Variants in TINAG observed in about 807,000 individuals in gnomAD.
The protein encoded by TINAG is tubulointerstitial nephritis antigen.
In TINAG, 83 loss-of-function variants were observed where a neutral mutation model predicts 72.7. That is an observed-to-expected ratio of 1.14 (90% CI 0.96 to 1.37). The LOEUF (loss-of-function observed/expected upper bound fraction) is 1.37, where lower values mean the gene tolerates loss of function less well. Among genes scored for constraint, TINAG ranks in the 40% most tolerant of loss-of-function variants. The probability of loss-of-function intolerance (pLI) is 0.00; values close to 1 mark genes in which losing one functional copy is unlikely to be tolerated. For synonymous variants in TINAG, 234 were observed against 189.9 expected, an observed-to-expected ratio of 1.23 and a Z score of -1.91; for missense variants, 685 against 576.6, an observed-to-expected ratio of 1.19 and a Z score of -1.93.
intron 3 of TINAG, among the ~76,000 whole-genome samples, chr6:54,322,597 T>C (rs1041439319): frequency 6.6e-6 from 1 of 152,212 alleles, no homozygotes; most frequent in African/African-American, 2.4e-5. Context: ...CTTCCACATA[T>C]AACATGTTGT....
intron 10 of TINAG, among the ~76,000 whole-genome samples, chr6:54,382,435 A>G (rs1763979879): frequency 6.6e-6 from 1 of 152,120 alleles, no homozygotes; most frequent in Non-Finnish European, 1.5e-5. Flanking sequence ...TAGTCTATGC[A>G]TTCAGGAAAA....
intron 4 of TINAG, among the ~76,000 whole-genome samples, chr6:54,334,816 T>A (rs1784822217): frequency 6.6e-6 from 1 of 152,182 alleles, no homozygotes; most frequent in Non-Finnish European, 1.5e-5. Flanking sequence ...GTAAAAAGAC[T>A]TTTAATCTCT....
In TINAG at chr6:54,352,291, G is replaced by A. The variant is rs145096876; in HGVS notation, c.1126+894G>A. 3.3e-3 allele frequency among the ~76,000 whole-genome samples: 495 copies of A among 151,794 alleles called. 1 individual carries two copies. The highest frequency in any genetic ancestry group is 9.4e-3 in the African/African-American group (389 of 41,474). On this transcript the variant is annotated intron_variant, in intron 8 of 10. Coordinates refer to ENST00000259782, the MANE Select transcript of TINAG (RefSeq NM_014464.4). ...TCTGAATACTGATCTAATTAGTATC[G>A]GTTAAATATATATAGGCAGGAATCA... is the stretch of plus-strand genomic sequence containing the variant.
In TINAG at chr6:54,320,578, G is replaced by A. The variant is rs750630178; in HGVS notation, c.356-1G>A. 2 of 1,593,340 alleles carry A rather than the reference G, an allele frequency of 1.3e-6. No homozygotes were observed. ...CATTTCTTTACATGTTACTTTGACA[G>A]GTTGCTTCAAAGATGGTCAACATTA... is the stretch of plus-strand genomic sequence containing the variant. On this transcript the variant is annotated splice_acceptor_variant, in intron 1 of 10. Transcript: ENST00000259782. LOFTEE classifies it high-confidence loss of function.
At chr6:54,385,445 G>C (rs1197889252) in intron 10 of TINAG, among the ~76,000 whole-genome samples, 1 of 150,970 alleles carries the variant, frequency 6.6e-6, no homozygotes, top group Non-Finnish European at 1.5e-5. Context: ...AACCTACACA[G>C]GATGAAAATA....
rs566598374 is a variant in TINAG, at chr6:54,341,898, T to A, written c.625-1328T>A. Among the ~76,000 whole-genome samples, 3 of 152,322 alleles carry A rather than the reference T, an allele frequency of 2.0e-5. No homozygotes were observed. In the South Asian group the frequency reaches 6.2e-4, roughly 32 times the overall value. ...TCTTGTTTAGCTGAGGGACTCAACA[T>A]GTCTTTTAACTGCTAAAAGTTAGTT... On this transcript the variant is annotated intron_variant, in intron 4 of 10. Coordinates refer to ENST00000259782, the MANE Select transcript of TINAG (RefSeq NM_014464.4).
chr6:54,387,936 C>T (rs764953476), intron 10 of TINAG, among the ~76,000 whole-genome samples: 3 of 152,078 alleles, frequency 2.0e-5, no homozygotes, highest in Non-Finnish European at 2.9e-5. Flanking sequence ...GTGTCTTACT[C>T]TTTATAATTA....
intron 8 of TINAG, among the ~76,000 whole-genome samples, chr6:54,352,392 TACATAA>T (rs1217047507): frequency 1.3e-5 from 2 of 151,872 alleles, no homozygotes; most frequent in Non-Finnish European, 2.9e-5. Context: ...AACCACAGCC[TACATAA>T]ACATGTCCTG....
chr6:54,390,091 T>G lies in TINAG; in HGVS notation c.*166T>G. ...CTGGTCTATGCTTCTGCTTCCTTCA[T>G]ATTACTGAGCATTAACAACACCAAT... is the stretch of plus-strand genomic sequence containing the variant. On this transcript the variant is annotated 3_prime_UTR_variant, in exon 11 of 11. Transcript: ENST00000259782. The G allele has an allele frequency of 1.1e-6, 1 of 894,730 alleles. No individual in the cohort carries two copies. 55.4% of individuals were successfully genotyped at this position (894,730 alleles called of 1,614,324 possible).
rs756247934 is a variant in TINAG at position 54,321,376 on chromosome 6, G to A, written c.499G>A (p.Gly167Arg). The change falls in exon 3 of 11, where the codon GGA (glycine) becomes AGA (arginine). Residue 167 changes from glycine (G) to arginine (R), a missense_variant. Coordinates refer to ENST00000259782, the MANE Select transcript of TINAG (RefSeq NM_014464.4). The part of the protein sequence containing the change: ...RSELIEQVNK[G>R]DYGWTAQNYS... ...AGAATTAATTGAACAGGTCAATAAA[G>A]GAGACTATGGGTGAGAGAAATCTTG... 2.2e-5 allele frequency: 36 copies of A among 1,610,852 alleles called. No homozygotes were observed. In the Admixed American group the frequency reaches 5.3e-4, roughly 24 times the overall value.
intron 9 of TINAG, chr6:54,367,157 C>T (rs1441301016): frequency 2.6e-5 from 4 of 151,674 alleles, no homozygotes; most frequent in Admixed American, 6.6e-5. Context: ...CTCTTTTCCC[C>T]GTATCCTTTG....
At chr6:54,378,223 C>A (rs944204036) in intron 9 of TINAG, among the ~76,000 whole-genome samples, 2 of 152,120 alleles carry the variant, frequency 1.3e-5, no homozygotes, top group Non-Finnish European at 2.9e-5. Flanking sequence ...AAGGTTAACA[C>A]CTTTTGTTAA....
At chr6:54,351,660 C>T (rs1785270214) in intron 8 of TINAG, among the ~76,000 whole-genome samples, 3 of 151,730 alleles carry the variant, frequency 2.0e-5, no homozygotes, top group Admixed American at 6.6e-5. Context: ...TGAATAACTC[C>T]GAAATCTTTC....
At chr6:54,350,068 C>T (rs999365540) in intron 7 of TINAG, among the ~76,000 whole-genome samples, 172 bp downstream of exon 7, 7 of 151,686 alleles carry the variant, frequency 4.6e-5, no homozygotes, top group African/African-American at 1.7e-4. Context: ...GGTATGATGT[C>T]TTATCTTTGT....
At chr6:54,338,655 C>A (rs1280441974) in intron 4 of TINAG, among the ~76,000 whole-genome samples, 1 of 130,492 alleles carries the variant, frequency 7.7e-6, no homozygotes, top group South Asian at 2.6e-4. Flanking sequence ...AACTGGGAGG[C>A]GGAGGTTGCA....
intron 1 of TINAG, among the ~76,000 whole-genome samples, chr6:54,315,316 G>A (rs971196715): frequency 7.9e-5 from 12 of 151,954 alleles, no homozygotes; most frequent in African/African-American, 2.9e-4. Flanking sequence ...AAGCATATTG[G>A]TAAATATCTT....
At chr6:54,337,103 T>C (rs1034064414) in intron 4 of TINAG, among the ~76,000 whole-genome samples, 2 of 151,926 alleles carry the variant, frequency 1.3e-5, no homozygotes, top group Admixed American at 1.3e-4. Context: ...TATTATTCTC[T>C]AGATAACATG....
intron 1 of TINAG, among the ~76,000 whole-genome samples, chr6:54,310,491 TTTTCTTCTTTCTTTCTC>T (rs1405437166): frequency 3.2e-5 from 3 of 95,204 alleles, no homozygotes; most frequent in Non-Finnish European, 7.7e-5. Context: ...TCTTTCTTTC[TTTTCTTCTTTCTTTCTC>T]TTTCTTTCTT....
intron 4 of TINAG, among the ~76,000 whole-genome samples, chr6:54,342,068 T>G (rs1293942290): frequency 2.0e-5 from 3 of 152,004 alleles, no homozygotes; most frequent in African/African-American, 7.3e-5. Flanking sequence ...TTGGGGTGTG[T>G]GTGTGTGTGT....
Sources: gnomAD v4.1 joint callset for allele counts (sites outside exome capture counted in the v4.1 genomes callset) on GRCh38, gnomAD v4.1.1 for gene constraint, MANE v1.5 for transcripts, NCBI Gene and HGNC (gene_info 2026-07-23, HGNC 2026-07-21) for gene names.